KREMEN2: variants seen among roughly 807,000 people sequenced by gnomAD.
The protein encoded by KREMEN2 is kremen protein 2.
In KREMEN2, 43 loss-of-function variants were observed where a neutral mutation model predicts 49.8. The observed-to-expected ratio is 0.86, with a 90% confidence interval of 0.68 to 1.11. The LOEUF (loss-of-function observed/expected upper bound fraction) is 1.11. Ranked by LOEUF, KREMEN2 falls within the 50% of genes most tolerant of loss-of-function variation. The pLI, the probability that KREMEN2 is intolerant of heterozygous loss-of-function variation, is 0.00. For missense variants in KREMEN2, 686 were observed against 665.7 expected, an observed-to-expected ratio of 1.03 and a Z score of -0.34; for synonymous variants, 355 against 304.9, an observed-to-expected ratio of 1.16 and a Z score of -1.71.
rs1567370360 is a variant in KREMEN2, at chr16:2,964,523, GGGGACACAAGCCCTGCA to G, written c.7_23del (p.Thr3LeufsTer35). On this transcript the variant is annotated frameshift_variant, in exon 1 of 9. Coordinates refer to ENST00000303746, the MANE Select transcript of KREMEN2 (RefSeq NM_172229.3). LOFTEE classifies it high-confidence loss of function. ...TGACCTATCCTTGGTTGAGAGCGAT[GGGGACACAAGCCCTGCA>G]GGGCTTCCTCTTTCTCCTCTTCCTC... The G allele has an allele frequency of 6.3e-7, 1 of 1,575,476 alleles. No homozygotes were observed.
rs2071810287 is a variant in KREMEN2, at chr16:2,966,074, G to A, written c.270-66G>A. 7.0e-7 allele frequency: 1 copy of A among 1,429,878 alleles called. No homozygotes were observed. The highest frequency in any genetic ancestry group is 2.3e-5 in the East Asian group (1 of 43,938). 88.6% of individuals were successfully genotyped at this position (1,429,878 alleles called of 1,614,324 possible). A position where few individuals can be genotyped will look rare whatever the true frequency, so the allele number is the denominator to read the frequency against. On this transcript the variant is annotated intron_variant, in intron 2 of 8. Coordinates refer to ENST00000303746, the MANE Select transcript of KREMEN2 (RefSeq NM_172229.3). This position sits in a 1 kb window ranked among gnomAD's most constrained non-coding sequence, Gnocchi z 8.4. ...GAAGGCCACTTTGAGCATAGGCTGCGGGGCCGGGCCTGGGTTTGCTATTCT... is the reference window on the plus strand; with the variant it reads ...GAAGGCCACTTTGAGCATAGGCTGCAGGGCCGGGCCTGGGTTTGCTATTCT...
Position 2,964,977 on chromosome 16 carries a change from C to T in KREMEN2, c.213C>T (p.Tyr71=). The T allele has an allele frequency of 3.8e-6, 6 of 1,575,060 alleles. No individual in the cohort carries two copies. Among genetic ancestry groups the T allele is most frequent in the Non-Finnish European group, 5.2e-6 (6 of 1,161,684 alleles). Reference sequence around the variant, plus strand: ...GGGACCAGACGCAGCAACACAGCTACAGCAGCGCCAGCGACCCCCACGGCC... The same window carrying T: ...GGGACCAGACGCAGCAACACAGCTATAGCAGCGCCAGCGACCCCCACGGCC... ...LFWDQTQQHS[Y]SSASDPHGRW... Residue 71 remains tyrosine (Y), a synonymous_variant, in exon 2 of 9, where the codon TAC becomes TAT. Coordinates refer to ENST00000303746, the MANE Select transcript of KREMEN2 (RefSeq NM_172229.3).
In KREMEN2 at chr16:2,966,173, C is replaced by T; in HGVS notation, c.303C>T (p.Tyr101=). 1.2e-6 allele frequency: 2 copies of T among 1,612,586 alleles called. No individual in the cohort carries two copies. The highest frequency in any genetic ancestry group is 2.2e-5 in the East Asian group (1 of 44,882). ...NPDGDVQPWC[Y]VAETEEGIYW... is the part of the protein sequence containing the mutation. ...ACGGTGACGTGCAGCCGTGGTGCTACGTGGCTGAGACAGAGGAGGGCATCT... is the reference window on the plus strand; with the variant it reads ...ACGGTGACGTGCAGCCGTGGTGCTATGTGGCTGAGACAGAGGAGGGCATCT... Residue 101 remains tyrosine, a synonymous_variant, in exon 3 of 9, where the codon TAC becomes TAT. Coordinates refer to ENST00000303746, the MANE Select transcript of KREMEN2 (RefSeq NM_172229.3). This position sits in a 1 kb window ranked among gnomAD's most constrained non-coding sequence, Gnocchi z 8.4.
At position 2,967,965 on chromosome 16, in the gene KREMEN2, G is replaced by C. The variant is rs199819672; in HGVS notation, c.1334G>C (p.Arg445Pro). 3 of 1,586,486 alleles carry C rather than the reference G, an allele frequency of 1.9e-6. No homozygotes were observed. Among genetic ancestry groups the C allele is most frequent in the South Asian group, 2.3e-5 (2 of 87,654 alleles). ...GCTGAGGGTTCTGCCGCGGGCTACCGGCCTCTGAGTGCCTCCAGCCAGAGC... is the reference window on the plus strand; with the variant it reads ...GCTGAGGGTTCTGCCGCGGGCTACCCGCCTCTGAGTGCCTCCAGCCAGAGC... ...PQAEGSAAGYRPLSASSQSSL... is the reference protein window; with the variant it reads ...PQAEGSAAGYPPLSASSQSSL... The change falls in exon 9 of 9, where the codon CGG becomes CCG. Residue 445 changes from arginine to proline, a missense_variant. Transcript: ENST00000303746.
In KREMEN2 at chr16:2,966,835, G is replaced by C. The variant is rs1295742402; in HGVS notation, c.640+40G>C. ...GGGACCAGGGGCCTGGGCGGGCCTC[G>C]AGGTGGGGCCTGGCCGGGCAGGGGA... On this transcript the variant is annotated intron_variant, in intron 5 of 8. Coordinates refer to ENST00000303746, the MANE Select transcript of KREMEN2 (RefSeq NM_172229.3). The surrounding 1 kb of genome is among the most constrained non-coding windows in gnomAD (Gnocchi z 8.4). 4.4e-6 allele frequency: 7 copies of C among 1,595,780 alleles called. No individual in the cohort carries two copies. The highest frequency in any genetic ancestry group is 1.1e-5 in the South Asian group (1 of 89,686).
chr16:2,967,349 GC>G lies in KREMEN2; in HGVS notation c.1008del (p.Glu337ArgfsTer16), dbSNP rs1180965909. The G allele has an allele frequency of 7.1e-7, 1 of 1,408,650 alleles. No individual in the cohort carries two copies. Among genetic ancestry groups the G allele is most frequent in the South Asian group, 1.5e-5 (1 of 64,706 alleles). 87.3% of individuals were successfully genotyped at this position (1,408,650 alleles called of 1,614,324 possible). On this transcript the variant is annotated frameshift_variant, in exon 7 of 9. Transcript: ENST00000303746. LOFTEE classifies it high-confidence loss of function. ...GLQDAAEDPE[A>X]PEGSAQTPAA... ...GCAGGACGCCGCTGAGGACCCAGAG[GC>G]CCCCGAGGGCTCGGCCCAGACCCCC...
rs1311639354 is a variant in KREMEN2, at chr16:2,967,169, C to A, written c.900C>A (p.Gly300=). Residue 300 remains glycine, a synonymous_variant, in exon 6 of 9, where the codon GGC becomes GGA. Transcript: ENST00000303746. ...RPPPSGPLRL[G]TAALLLTFRS... ...CGCCGTCCGGGCCGCTGCGCCTGGG[C>A]ACTGCCGCGCTGCTGCTCACCTTCC... 1.5e-6 allele frequency: 2 copies of A among 1,375,974 alleles called. No homozygotes were observed. Among genetic ancestry groups the A allele is most frequent in the South Asian group, 1.7e-5 (1 of 58,654 alleles). The allele number at this position is 1,375,974 out of a possible 1,614,324, so 85.2% of individuals were successfully genotyped here.
chr16:2,965,039 G>A lies in KREMEN2; in HGVS notation c.269+6G>A, dbSNP rs759334226. 2.0e-6 allele frequency: 3 copies of A among 1,529,332 alleles called. No homozygotes were observed. The South Asian group carries it at 3.6e-5, about 19-fold the overall frequency. The allele number at this position is 1,529,332 out of a possible 1,614,324, so 94.7% of individuals were successfully genotyped here. On this transcript the variant is annotated splice_donor_region_variant and intron_variant, in intron 2 of 8. Coordinates refer to ENST00000303746, the MANE Select transcript of KREMEN2 (RefSeq NM_172229.3). ...GGCGCGCACAACTTCTGCCGGTGAG[G>A]GGCGGGGCCTGCGCTGGGGGCGAGG...
intron 2 of KREMEN2, 95 bp downstream of exon 2, chr16:2,965,128 C>A: frequency 1.3e-6 from 1 of 777,856 alleles, no homozygotes; most frequent in Non-Finnish European, 1.6e-6. Flanking sequence ...TGGAGGTCTG[C>A]CGTGGACTGG....
Position 2,966,219 on chromosome 16 carries a change from C to A in KREMEN2, c.349C>A (p.Pro117Thr). Residue 117 changes from proline (P) to threonine (T), a missense_variant, in exon 3 of 9, where the codon CCC becomes ACC. Coordinates refer to ENST00000303746, the MANE Select transcript of KREMEN2 (RefSeq NM_172229.3). The surrounding 1 kb of genome is among the most constrained non-coding windows in gnomAD (Gnocchi z 8.4). ...CATCTACTGGCGCTACTGCGACATC[C>A]CCTCCTGTCACAGTGAGTAGCGCGG... ...EGIYWRYCDIPSCHMPGYLGC... is the reference protein window; with the variant it reads ...EGIYWRYCDITSCHMPGYLGC... 6.2e-7 allele frequency: 1 copy of A among 1,613,228 alleles called. No individual in the cohort carries two copies. Among genetic ancestry groups the A allele is most frequent in the Non-Finnish European group, 8.5e-7 (1 of 1,179,984 alleles).
rs749580859 is a variant in KREMEN2 at position 2,964,941 on chromosome 16, G to A, written c.177G>A (p.Pro59=). 3 of 1,596,548 alleles carry A rather than the reference G, an allele frequency of 1.9e-6. No homozygotes were observed. Among genetic ancestry groups the A allele is most frequent in the African/African-American group, 1.3e-5 (1 of 74,248 alleles). ...NRTGPRGAGR[P]CLFWDQTQQH... is the part of the protein sequence containing the mutation. ...CTGGCCCGCGCGGGGCGGGCCGCCC[G>A]TGCCTCTTCTGGGACCAGACGCAGC... The change falls in exon 2 of 9, where the codon CCG becomes CCA. Residue 59 remains proline, a synonymous_variant. Coordinates refer to ENST00000303746, the MANE Select transcript of KREMEN2 (RefSeq NM_172229.3).
chr16:2,967,765 G>C, intron 8 of KREMEN2, 45 bp from the exon 9 acceptor site: 1 of 1,546,046 alleles, frequency 6.5e-7, no homozygotes, highest in Non-Finnish European at 8.7e-7. Flanking sequence ...GCAGGACGCT[G>C]CAGCGGGATT....
At chr16:2,964,726 C>G in intron 1 of KREMEN2, 112 bp downstream of exon 1, 1 of 1,384,768 alleles carries the variant, frequency 7.2e-7, no homozygotes, top group South Asian at 1.3e-5. Context: ...GCCGGAGCAG[C>G]TGAGCAGCCC....
In KREMEN2 at chr16:2,966,283, GGTT is replaced by G; in HGVS notation, c.362-38_362-36del. ...GGAACGCTGCTGCATCTGGGAGGAG[GGTT>G]GTTTTCGGAGTCACGGAAGTCTGAC... On this transcript the variant is annotated intron_variant, in intron 3 of 8. Transcript: ENST00000303746. The surrounding 1 kb of genome is among the most constrained non-coding windows in gnomAD (Gnocchi z 8.4). 6.2e-7 allele frequency: 1 copy of G among 1,613,166 alleles called. No individual in the cohort carries two copies. Among genetic ancestry groups the G allele is most frequent in the Non-Finnish European group, 8.5e-7 (1 of 1,179,916 alleles).
In KREMEN2 at chr16:2,967,790, GA is replaced by G; in HGVS notation, c.1179-19del. ...GCAGCGGGATTGGACCGGCTCGGCT[GA>G]TGTCTGCTCCCTCTCTAGGAGCTGT... On this transcript the variant is annotated intron_variant, in intron 8 of 8. Transcript: ENST00000303746. 6.5e-7 allele frequency: 1 copy of G among 1,549,134 alleles called. No individual in the cohort carries two copies. Among genetic ancestry groups the G allele is most frequent in the East Asian group, 2.4e-5 (1 of 40,906 alleles).
chr16:2,967,561 C>G lies in KREMEN2; in HGVS notation c.1135C>G (p.Leu379Val). 1.0e-5 allele frequency: 16 copies of G among 1,527,894 alleles called. No individual in the cohort carries two copies. Among genetic ancestry groups the G allele is most frequent in the African/African-American group, 1.4e-5 (1 of 72,574 alleles). The allele number at this position is 1,527,894 out of a possible 1,614,324, so 94.6% of individuals were successfully genotyped here. ...VFSTVTAVSV[L>V]LLLLLGLLRP... ...CTCGACGGTGACGGCTGTCTCGGTG[C>G]TGCTGCTGCTGCTCCTGGGGCTGCT... is the stretch of plus-strand genomic sequence containing the variant. Residue 379 changes from leucine (L) to valine (V), a missense_variant, in exon 8 of 9, where the codon CTG becomes GTG. Coordinates refer to ENST00000303746, the MANE Select transcript of KREMEN2 (RefSeq NM_172229.3).
At position 2,966,900 on chromosome 16, in the gene KREMEN2, C is replaced by A. The variant is rs753032636; in HGVS notation, c.641-10C>A. The A allele has an allele frequency of 1.9e-6, 3 of 1,541,400 alleles. No individual in the cohort carries two copies. Among genetic ancestry groups the A allele is most frequent in the Non-Finnish European group, 2.6e-6 (3 of 1,142,218 alleles). On this transcript the variant is annotated splice_polypyrimidine_tract_variant and intron_variant, in intron 5 of 8. Coordinates refer to ENST00000303746, the MANE Select transcript of KREMEN2 (RefSeq NM_172229.3). This position sits in a 1 kb window ranked among gnomAD's most constrained non-coding sequence, Gnocchi z 8.4. ...GTCCTCAGGATGCTGACTGCCGGCC[C>A]CGCCCGCAGTGTCGGTGGGCTCCTG...
At chr16:2,965,154 G>C in intron 2 of KREMEN2, 121 bp downstream of exon 2, 3 of 265,774 alleles carry the variant, frequency 1.1e-5, no homozygotes, top group Non-Finnish European at 1.9e-5. Flanking sequence ...CAGCCTCCTG[G>C]AGAACCTGGG....
chr16:2,964,675 G>A, intron 1 of KREMEN2, 61 bp downstream of exon 1: 8 of 1,475,078 alleles, frequency 5.4e-6, no homozygotes, highest in Middle Eastern at 1.9e-4. Context: ...TCCGCCCCCA[G>A]GGCCAGGCCC....
Sources: allele counts gnomAD v4.1 joint callset, GRCh38; gene constraint gnomAD v4.1.1; non-coding constraint Gnocchi (gnomAD v3.1); transcripts MANE v1.5; gene names NCBI Gene and HGNC (gene_info 2026-07-23, HGNC 2026-07-21).